MUCL3: variants seen among roughly 807,000 people sequenced by gnomAD.
MUCL3 encodes the protein mucin-like protein 3.
MUCL3 carries 42 observed loss-of-function variants against 70.2 expected under a neutral mutation model. The observed-to-expected ratio is 0.60, with a 90% CI of 0.47 to 0.77. The LOEUF (loss-of-function observed/expected upper bound fraction) is 0.77, where lower values mean the gene tolerates loss of function less well. MUCL3 is among the 30% of genes least tolerant of loss of function. The probability of loss-of-function intolerance (pLI) is 0.00; values close to 1 mark genes in which losing one functional copy is unlikely to be tolerated. For missense variants in MUCL3, 1,429 were observed against 1,670.0 expected (o/e 0.86, Z 2.52); for synonymous variants, 522 against 647.0 (o/e 0.81, Z 2.93).
At chr6:30,943,377 C>T (rs1252929917) in intron 1 of MUCL3, among the ~76,000 whole-genome samples, 3 of 152,004 alleles carry the variant, frequency 2.0e-5, no homozygotes, top group Admixed American at 6.6e-5. Flanking sequence ...TAGATTAAAG[C>T]ATCTGAGGGA....
In MUCL3 at chr6:30,948,843, A is replaced by C; in HGVS notation, c.379A>C (p.Asn127His). ...APPTSEENSS[N>H]QGKDPMIRNQ... ...TCCCACTTCTGAAGAAAACTCCAGC[A>C]ACCAAGGGAAAGACCCAATGATCCG... Residue 127 changes from asparagine to histidine, a missense_variant, in exon 2 of 3, where the codon AAC becomes CAC. Transcript: ENST00000462446. 6.4e-7 allele frequency: 1 copy of C among 1,551,690 alleles called. No individual in the cohort carries two copies. The highest frequency in any genetic ancestry group is 1.2e-5 in the South Asian group (1 of 84,062).
Position 30,949,872 on chromosome 6 carries a change from G to A in MUCL3, c.1408G>A (p.Glu470Lys), listed in dbSNP as rs1314096065. The A allele has an allele frequency of 2.0e-5, 31 of 1,549,446 alleles. No individual in the cohort carries two copies. The highest frequency in any genetic ancestry group is 2.5e-5 in the Non-Finnish European group (29 of 1,146,282). The change falls in exon 2 of 3, where the codon GAG becomes AAG. Residue 470 changes from glutamate to lysine, a missense_variant. Coordinates refer to ENST00000462446, the MANE Select transcript of MUCL3 (RefSeq NM_080870.4). ...PTENRETTAN[E>K]KTTLSPVEPT... ...AGAAAACAGAGAAACGACAGCCAAC[G>A]AGAAGACCACACTATCCCCAGTAGA...
chr6:30,941,172 G>A, intron 1 of MUCL3, 91 bp downstream of exon 1: 2 of 1,446,924 alleles, frequency 1.4e-6, no homozygotes, highest in Non-Finnish European at 1.9e-6. Flanking sequence ...AATGAAGGGG[G>A]CGGGCACGGG....
rs759768225 is a variant in MUCL3 at position 30,953,194 on chromosome 6, T to C, written c.*77T>C. On this transcript the variant is annotated 3_prime_UTR_variant, in exon 3 of 3. Transcript: ENST00000462446. ...GATGAGGAACCGGACTCACAATTTCTATTTCCGGGACTACAGGAAGGGCAG... is the reference window on the plus strand; with the variant it reads ...GATGAGGAACCGGACTCACAATTTCCATTTCCGGGACTACAGGAAGGGCAG... 778 of 1,560,456 alleles carry C rather than the reference T, an allele frequency of 5.0e-4. 1 individual carries two copies. Among genetic ancestry groups the C allele is most frequent in the Non-Finnish European group, 5.9e-4 (680 of 1,157,812 alleles).
Position 30,953,341 on chromosome 6 carries a change from C to G in MUCL3, c.*224C>G. The G allele has an allele frequency of 1.6e-6, 1 of 630,706 alleles. No homozygotes were observed. Among genetic ancestry groups the G allele is most frequent in the Non-Finnish European group, 2.7e-6 (1 of 369,624 alleles). The allele number at this position is 630,706 out of a possible 1,614,324, so 39.1% of individuals were successfully genotyped here. A position where few individuals can be genotyped will look rare whatever the true frequency, so the allele number is the denominator to read the frequency against. On this transcript the variant is annotated 3_prime_UTR_variant, in exon 3 of 3. Transcript: ENST00000462446. The stretch of plus-strand genomic sequence containing the variant: ...AAGAAGAAAGAATGAATAATACGAG[C>G]AGACATTCTCTGTAGAAGGTAATGG...
Position 30,945,473 on chromosome 6 carries a change from T to TAA in MUCL3, c.83-3055_83-3054dup, listed in dbSNP as rs11441516. The stretch of plus-strand genomic sequence containing the variant: ...GCCAACATAGTGAGACCCTGCGTCT[T>TAA]AAAAAAAAAAAAAAAAAAAAGGTGA... On this transcript the variant is annotated intron_variant, in intron 1 of 2. Transcript: ENST00000462446. Among the ~76,000 whole-genome samples the TAA allele has an allele frequency of 7.6e-3, 863 of 114,096 alleles. 6 individuals carry two copies. The highest frequency in any genetic ancestry group is 0.033 in the East Asian group (132 of 4,036). 74.9% of individuals were successfully genotyped at this position (114,096 alleles called of 152,430 possible). A position where few individuals can be genotyped will look rare whatever the true frequency, so the allele number is the denominator to read the frequency against.
intron 1 of MUCL3, 25 bp from the exon 2 acceptor site, chr6:30,948,519 TTTC>T: frequency 6.8e-7 from 1 of 1,469,354 alleles, no homozygotes; most frequent in African/African-American, 1.4e-5. Flanking sequence ...ATGGGGGAAG[TTTC>T]TTATTTGCCT....
At position 30,953,196 on chromosome 6, in the gene MUCL3, T is replaced by C. The variant is rs1760802115; in HGVS notation, c.*79T>C. Reference sequence around the variant, plus strand: ...TGAGGAACCGGACTCACAATTTCTATTTCCGGGACTACAGGAAGGGCAGAG... The same window carrying C: ...TGAGGAACCGGACTCACAATTTCTACTTCCGGGACTACAGGAAGGGCAGAG... On this transcript the variant is annotated 3_prime_UTR_variant, in exon 3 of 3. Coordinates refer to ENST00000462446, the MANE Select transcript of MUCL3 (RefSeq NM_080870.4). The C allele has an allele frequency of 1.3e-6, 2 of 1,555,180 alleles. No individual in the cohort carries two copies. Among genetic ancestry groups the C allele is most frequent in the Admixed American group, 1.9e-5 (1 of 53,816 alleles).
Position 30,951,377 on chromosome 6 carries a change from G to A in MUCL3, c.2913G>A (p.Glu971=). The A allele has an allele frequency of 6.5e-7, 1 of 1,540,408 alleles. No individual in the cohort carries two copies. The highest frequency in any genetic ancestry group is 8.8e-7 in the Non-Finnish European group (1 of 1,142,646). ...PTEHGETTVN[E]DTTPSSAEPT... ...AACATGGAGAAACGACAGTCAATGA[G>A]GACACCACACCATCCTCAGCAGAGC... The change falls in exon 2 of 3, where the codon GAG becomes GAA. Residue 971 remains glutamate, a synonymous_variant. Transcript: ENST00000462446.
intron 1 of MUCL3, among the ~76,000 whole-genome samples, chr6:30,944,717 T>A (rs779659468): frequency 2.0e-5 from 3 of 152,228 alleles, no homozygotes; most frequent in Non-Finnish European, 4.4e-5. Context: ...AAAGTTGGAT[T>A]TTCCTCTCTG....
At chr6:30,943,716 T>C (rs1795675536) in intron 1 of MUCL3, among the ~76,000 whole-genome samples, 1 of 152,270 alleles carries the variant, frequency 6.6e-6, no homozygotes, top group Non-Finnish European at 1.5e-5. Flanking sequence ...TAACAAATGT[T>C]ATTTGATTTA....
chr6:30,951,202 A>G lies in MUCL3; in HGVS notation c.2738A>G (p.Lys913Arg). Residue 913 changes from lysine (K) to arginine (R), a missense_variant, in exon 2 of 3, where the codon AAG becomes AGG. Lys to Arg is a conservative substitution (Grantham distance 26, BLOSUM62 2). Transcript: ENST00000462446. ...NGERTPFTNE[K>R]TTPSSAEPTE... ...GAAAGGACCCCATTTACCAATGAGA[A>G]GACCACACCATCCTCAGCAGAGCCT... The G allele has an allele frequency of 6.4e-7, 1 of 1,551,764 alleles. No individual in the cohort carries two copies. Among genetic ancestry groups the G allele is most frequent in the Non-Finnish European group, 8.7e-7 (1 of 1,147,008 alleles).
Position 30,950,918 on chromosome 6 carries a change from C to T in MUCL3, c.2454C>T (p.Ser818=), listed in dbSNP as rs1298768122. ...TPLANENTTS[S]PAEPTENRER... is the part of the protein sequence containing the mutation. ...TGGCCAATGAGAACACCACATCATC[C>T]CCAGCAGAGCCTACAGAAAATAGAG... Residue 818 remains serine, a synonymous_variant, in exon 2 of 3, where the codon TCC becomes TCT. Coordinates refer to ENST00000462446, the MANE Select transcript of MUCL3 (RefSeq NM_080870.4). The T allele has an allele frequency of 3.9e-6, 6 of 1,548,568 alleles. No individual in the cohort carries two copies. Among genetic ancestry groups the T allele is most frequent in the Non-Finnish European group, 5.2e-6 (6 of 1,146,584 alleles).
rs1415152009 is a variant in MUCL3 at position 30,949,915 on chromosome 6, A to G, written c.1451A>G (p.Glu484Gly). The G allele has an allele frequency of 6.5e-7, 1 of 1,550,374 alleles. No individual in the cohort carries two copies. Among genetic ancestry groups the G allele is most frequent in the Non-Finnish European group, 8.7e-7 (1 of 1,146,548 alleles). Residue 484 changes from glutamate to glycine, a missense_variant, in exon 2 of 3, where the codon GAA (glutamate) becomes GGA (glycine). Coordinates refer to ENST00000462446, the MANE Select transcript of MUCL3 (RefSeq NM_080870.4). ...CCAGTAGAGCCTACAGAAAATAGAG[A>G]AACAACAGCCAATGAGAAGACCACA... is the stretch of plus-strand genomic sequence containing the variant. ...LSPVEPTENR[E>G]TTANEKTTPS...
At position 30,948,994 on chromosome 6, in the gene MUCL3, CG is replaced by C; in HGVS notation, c.532del (p.Val178Ter). 1.3e-6 allele frequency: 2 copies of C among 1,551,636 alleles called. No homozygotes were observed. The highest frequency in any genetic ancestry group is 1.7e-6 in the Non-Finnish European group (2 of 1,146,988). ...NCRKSTTGKS[T>X]VTRKSDKTGR... ...CGTAAGTCCACAACAGGCAAATCAA[CG>C]GTAACAAGAAAATCAGATAAAACTG... On this transcript the variant is annotated frameshift_variant, in exon 2 of 3. Transcript: ENST00000462446. LOFTEE classifies it high-confidence loss of function.
Position 30,952,513 on chromosome 6 carries a change from G to A in MUCL3, c.4035+14G>A. The A allele has an allele frequency of 1.3e-6, 2 of 1,570,752 alleles. No individual in the cohort carries two copies. Among genetic ancestry groups the A allele is most frequent in the Non-Finnish European group, 1.7e-6 (2 of 1,161,412 alleles). On this transcript the variant is annotated intron_variant, in intron 2 of 2. Coordinates refer to ENST00000462446, the MANE Select transcript of MUCL3 (RefSeq NM_080870.4). Reference sequence around the variant, plus strand: ...CTGATCTTCTTGGTAAGGGACAGATGTGCCCCACAGAAATCAACCTATGGG... The same window carrying A: ...CTGATCTTCTTGGTAAGGGACAGATATGCCCCACAGAAATCAACCTATGGG...
chr6:30,941,524 A>G (rs960183246), intron 1 of MUCL3, among the ~76,000 whole-genome samples: 1 of 147,720 alleles, frequency 6.8e-6, no homozygotes, highest in African/African-American at 2.5e-5. Flanking sequence ...CAGTGGCACA[A>G]TCTTGGCTCA....
chr6:30,952,324 T>C lies in MUCL3; in HGVS notation c.3860T>C (p.Ile1287Thr), dbSNP rs565896199. 3.7e-6 allele frequency: 6 copies of C among 1,614,132 alleles called. No individual in the cohort carries two copies. The African/African-American group carries it at 8.0e-5, about 22-fold the overall frequency. Residue 1287 changes from isoleucine (I) to threonine (T), a missense_variant, in exon 2 of 3, where the codon ATC becomes ACC. Transcript: ENST00000462446. ...ACATCTAGAACGAAGCTGAGTTCTA[T>C]CACATCAGAAGCCACAGGAAACGAG... ...LITSRTKLSS[I>T]TSEATGNESH...
Position 30,950,050 on chromosome 6 carries a change from C to T in MUCL3, c.1586C>T (p.Ala529Val). Reference sequence around the variant, plus strand: ...GAACACGGAGAAAGGACCCCACTGGCCAATGAGAACACCACACCATCCCCA... The same window carrying T: ...GAACACGGAGAAAGGACCCCACTGGTCAATGAGAACACCACACCATCCCCA... ...PTEHGERTPL[A>V]NENTTPSPAE... The change falls in exon 2 of 3, where the codon GCC (alanine) becomes GTC (valine). Residue 529 changes from alanine (A) to valine (V), a missense_variant. Physicochemically the swap from Ala to Val is moderately conservative, Grantham distance 64. Coordinates refer to ENST00000462446, the MANE Select transcript of MUCL3 (RefSeq NM_080870.4). 6.4e-7 allele frequency: 1 copy of T among 1,550,406 alleles called. No individual in the cohort carries two copies. The highest frequency in any genetic ancestry group is 2.5e-5 in the East Asian group (1 of 40,772).
Sources: gnomAD v4.1 joint callset for allele counts (sites outside exome capture counted in the v4.1 genomes callset) on GRCh38, gnomAD v4.1.1 for gene constraint, MANE v1.5 for transcripts, NCBI Gene and HGNC (gene_info 2026-07-23, HGNC 2026-07-21) for gene names.